The following LINGO1 variants were observed in gnomAD, a reference collection of about 807,000 sequenced individuals.
The protein encoded by LINGO1 is leucine rich repeat and Ig domain containing 1.
LINGO1 carries 11 observed loss-of-function variants against 37.3 expected under a neutral mutation model. The ratio of observed to expected loss-of-function variants is 0.29; its 90% CI spans 0.19 to 0.49. The LOEUF (loss-of-function observed/expected upper bound fraction) is 0.49, where lower values mean the gene tolerates loss of function less well. Among genes scored for constraint, LINGO1 ranks in the 20% least tolerant of loss-of-function variants. LINGO1 has a pLI of 0.99. For missense variants in LINGO1, 585 were observed against 878.2 expected (o/e 0.67, Z 4.22); for synonymous variants, 387 against 403.0 (o/e 0.96, Z 0.48).
At chr15:77,715,872 G>A (rs2075977925) in intron 2 of LINGO1, among the ~76,000 whole-genome samples, 1 of 152,204 alleles carries the variant, frequency 6.6e-6, no homozygotes, top group South Asian at 2.1e-4. Flanking sequence ...CTCTGAAGGG[G>A]GCTGGGCTCC....
At chr15:77,770,798 A>AG (rs948307174) in intron 1 of LINGO1, among the ~76,000 whole-genome samples, 5 of 152,138 alleles carry the variant, frequency 3.3e-5, no homozygotes, top group African/African-American at 9.7e-5. Context: ...GGGACACAGG[A>AG]GAAGGGAACT....
At chr15:77,695,816 C>T (rs1321347196) in intron 1 of LINGO1, among the ~76,000 whole-genome samples, 1 of 152,230 alleles carries the variant, frequency 6.6e-6, no homozygotes, top group African/African-American at 2.4e-5. Flanking sequence ...GCACCATCAG[C>T]CTGTCCCCAG....
rs140735145 is a variant in LINGO1 at position 77,779,984 on chromosome 15, G to A, written c.-257+6885C>T. Among the ~76,000 whole-genome samples, 74 of 152,316 alleles carry A rather than the reference G, an allele frequency of 4.9e-4. 1 individual carries two copies. Among genetic ancestry groups the A allele is most frequent in the African/African-American group, 1.7e-3 (70 of 41,568 alleles). ...CATCCAGGGTCTTACACACAGTGACGGGGAAGCCCAGAGTGCCACAGAAGC... is the reference window on the plus strand; with the variant it reads ...CATCCAGGGTCTTACACACAGTGACAGGGAAGCCCAGAGTGCCACAGAAGC... On this transcript the variant is annotated intron_variant, in intron 1 of 3. Transcript: ENST00000561686.
Position 77,615,610 on chromosome 15 carries a change from C to G in LINGO1, c.297G>C (p.Glu99Asp), listed in dbSNP as rs373056019. 17 of 1,611,676 alleles carry G rather than the reference C, an allele frequency of 1.1e-5. No homozygotes were observed. In the South Asian group the frequency reaches 1.7e-4, roughly 16 times the overall value. ...DEFASFPHLEELELNENIVSA... is the reference protein window; with the variant it reads ...DEFASFPHLEDLELNENIVSA... ...TCACGATGTTCTCGTTGAGCTCCAG[C>G]TCCTCCAGGTGCGGGAAGCTGGCGA... Residue 99 changes from glutamate to aspartate, a missense_variant, in exon 2 of 2, where the codon GAG (glutamate) becomes GAC (aspartate). Physicochemically the swap from Glu to Asp is conservative, Grantham distance 45. Transcript: ENST00000355300.
chr15:77,615,033 G>A lies in LINGO1; in HGVS notation c.874C>T (p.Leu292Phe). Residue 292 changes from leucine to phenylalanine, a missense_variant, in exon 2 of 2, where the codon CTC becomes TTC. Coordinates refer to ENST00000355300, the MANE Select transcript of LINGO1 (RefSeq NM_032808.7). Reference protein sequence around the residue: ...AVRHLVYLRFLNLSYNPISTI... With the variant: ...AVRHLVYLRFFNLSYNPISTI... ...CTGATGGGGTTGTAGGAGAGGTTGA[G>A]GAAGCGGAGATAGACTAGGTGGCGG... 3 of 1,614,044 alleles carry A rather than the reference G, an allele frequency of 1.9e-6. No individual in the cohort carries two copies. Among genetic ancestry groups the A allele is most frequent in the Non-Finnish European group, 2.5e-6 (3 of 1,179,900 alleles).
At chr15:77,751,171 T>C (rs2076367618) in intron 1 of LINGO1, among the ~76,000 whole-genome samples, 1 of 151,956 alleles carries the variant, frequency 6.6e-6, no homozygotes, top group South Asian at 2.1e-4. Flanking sequence ...TCTCTGCCTT[T>C]ACTCATGCTA....
chr15:77,809,223 AG>A (rs2141475761), intron 1 of LINGO1, among the ~76,000 whole-genome samples: 1 of 152,328 alleles, frequency 6.6e-6, no homozygotes, highest in Non-Finnish European at 1.5e-5. Flanking sequence ...CGAGGCCTGC[AG>A]GTCAGCTCTC....
chr15:77,744,459 G>A (rs755162917), intron 1 of LINGO1, among the ~76,000 whole-genome samples: 1 of 152,242 alleles, frequency 6.6e-6, no homozygotes, highest in South Asian at 2.1e-4. Context: ...ACCTGAGCCC[G>A]GGAGGTTGAG....
Position 77,719,665 on chromosome 15 carries a change from C to G in LINGO1, c.-195+15327G>C, listed in dbSNP as rs192394044. ...TCTGTGGGCTGAGGTTTTTGCCACA[C>G]TCTGTGGCTAGAACACATACACACA... On this transcript the variant is annotated intron_variant, in intron 2 of 3. Coordinates refer to the LINGO1 transcript ENST00000561686. Among the ~76,000 whole-genome samples the G allele has an allele frequency of 4.1e-4, 61 of 150,160 alleles. 1 individual carries two copies. Among genetic ancestry groups the G allele is most frequent in the African/African-American group, 1.4e-3 (57 of 41,372 alleles).
At chr15:77,801,060 T>C (rs926507184) in intron 1 of LINGO1, among the ~76,000 whole-genome samples, 3 of 152,064 alleles carry the variant, frequency 2.0e-5, no homozygotes, top group African/African-American at 4.8e-5. Context: ...TCCCAGACCA[T>C]TGGATGGAGG....
At chr15:77,782,908 C>T (rs911267498) in intron 1 of LINGO1, among the ~76,000 whole-genome samples, 6 of 152,124 alleles carry the variant, frequency 3.9e-5, no homozygotes, top group Admixed American at 2.0e-4. Flanking sequence ...CTCCAGAGCA[C>T]CCCCCTGCTC....
At chr15:77,680,924 C>A (rs145092595) in intron 2 of LINGO1, among the ~76,000 whole-genome samples, 1 of 152,140 alleles carries the variant, frequency 6.6e-6, no homozygotes, top group Admixed American at 6.5e-5. Context: ...TGGGACAACA[C>A]GAGGAACAAG....
chr15:77,624,748 G>A (rs1031718513), intron 1 of LINGO1, among the ~76,000 whole-genome samples: 1 of 145,804 alleles, frequency 6.9e-6, no homozygotes, highest in African/African-American at 2.6e-5. Context: ...GACCACTCTG[G>A]GCCCTTCCTG....
chr15:77,722,802 A>G (rs1231772366), intron 2 of LINGO1, among the ~76,000 whole-genome samples: 1 of 152,196 alleles, frequency 6.6e-6, no homozygotes, highest in Non-Finnish European at 1.5e-5. Context: ...GCTGGTTGAC[A>G]GAGCATGGAA....
chr15:77,659,692 G>C (rs1388741988), intron 3 of LINGO1, among the ~76,000 whole-genome samples: 1 of 152,218 alleles, frequency 6.6e-6, no homozygotes, highest in African/African-American at 2.4e-5. Flanking sequence ...TTCCCACACA[G>C]GAACAGAGGA....
intron 1 of LINGO1, among the ~76,000 whole-genome samples, chr15:77,758,917 C>G (rs893600000): frequency 6.6e-5 from 10 of 152,090 alleles, no homozygotes; most frequent in African/African-American, 2.2e-4. Flanking sequence ...AGTGCTATCC[C>G]CACTTCAGCC....
intron 2 of LINGO1, among the ~76,000 whole-genome samples, chr15:77,707,019 G>C (rs1273838841): frequency 6.6e-6 from 1 of 152,254 alleles, no homozygotes; most frequent in Non-Finnish European, 1.5e-5. Context: ...CCCTGTAGAA[G>C]ACAGTACAGC....
At chr15:77,663,918 A>AGGGAGGGGCT (rs2075055292) in intron 3 of LINGO1, among the ~76,000 whole-genome samples, 2 of 152,290 alleles carry the variant, frequency 1.3e-5, no homozygotes, top group South Asian at 4.1e-4. Context: ...AGGGAGGCCC[A>AGGGAGGGGCT]GGGAGGGGCT....
intron 3 of LINGO1, among the ~76,000 whole-genome samples, chr15:77,644,763 CTG>C (rs928447521): frequency 6.6e-6 from 1 of 152,170 alleles, no homozygotes; most frequent in South Asian, 2.1e-4. Context: ...GACGAGAAAA[CTG>C]GGGCTAAGAG....
Sources: gnomAD v4.1 joint callset for allele counts (sites outside exome capture counted in the v4.1 genomes callset) on GRCh38, gnomAD v4.1.1 for gene constraint, MANE v1.5 for transcripts, NCBI Gene and HGNC (gene_info 2026-07-23, HGNC 2026-07-21) for gene names.